Variants in TSPO observed in about 807,000 individuals in gnomAD.
TSPO encodes benzodiazepine peripheral binding site.
In TSPO, 14 loss-of-function variants were observed where a neutral mutation model predicts 13.9. That is an observed-to-expected ratio of 1.01 (90% confidence interval 0.67 to 1.58). The LOEUF (loss-of-function observed/expected upper bound fraction) is 1.58, where lower values mean the gene tolerates loss of function less well. Among genes scored for constraint, TSPO ranks in the 40% most tolerant of loss-of-function variants. The probability of loss-of-function intolerance (pLI) is 0.00; values close to 1 mark genes in which losing one functional copy is unlikely to be tolerated. For missense variants in TSPO, 232 were observed against 229.6 expected, an observed-to-expected ratio of 1.01 and a Z score of -0.07; for synonymous variants, 114 against 105.9, an observed-to-expected ratio of 1.08 and a Z score of -0.47.
chr22:43,159,402 C>T lies in TSPO; in HGVS notation c.164C>T (p.Thr55Met), dbSNP rs942338615. The change falls in exon 2 of 4, where the codon ACG becomes ATG. Residue 55 changes from threonine (T) to methionine (M), a missense_variant. Transcript: ENST00000337554. Reference sequence around the variant, plus strand: ...TGGGTGCTGGGCCCTGTCTGGGGCACGCTCTACTCAGCCATGGGGTAGGTG... The same window carrying T: ...TGGGTGCTGGGCCCTGTCTGGGGCATGCTCTACTCAGCCATGGGGTAGGTG... ...PHWVLGPVWG[T>M]LYSAMGYGSY... 1.8e-5 allele frequency: 27 copies of T among 1,531,294 alleles called. No homozygotes were observed. Among genetic ancestry groups the T allele is most frequent in the South Asian group, 3.6e-5 (3 of 82,240 alleles). The allele number at this position is 1,531,294 out of a possible 1,614,324, so 94.9% of individuals were successfully genotyped here. A position where few individuals can be genotyped will look rare whatever the true frequency, so the allele number is the denominator to read the frequency against.
chr22:43,163,227 T>G lies in TSPO; in HGVS notation c.*236T>G, dbSNP rs111607654. ...ATGGAATTTTATAAGCTGAATAAAG[T>G]TTTTGACTTCCTTTACCATGGCCTT... On this transcript the variant is annotated 3_prime_UTR_variant, in exon 4 of 4. Transcript: ENST00000337554. 2.7e-5 allele frequency: 35 copies of G among 1,314,100 alleles called. No homozygotes were observed. Among genetic ancestry groups the G allele is most frequent in the Non-Finnish European group, 3.5e-5 (35 of 996,282 alleles). The allele number at this position is 1,314,100 out of a possible 1,614,324, so 81.4% of individuals were successfully genotyped here. A position where few individuals can be genotyped will look rare whatever the true frequency, so the allele number is the denominator to read the frequency against.
At chr22:43,154,851 G>T (rs1282088009) in intron 1 of TSPO, among the ~76,000 whole-genome samples, 2 of 152,144 alleles carry the variant, frequency 1.3e-5, no homozygotes, top group Non-Finnish European at 2.9e-5. Flanking sequence ...CCCTCAGTGG[G>T]GAAGGGCTCA....
chr22:43,159,015 A>AGGTGG (rs1931342380), intron 1 of TSPO, among the ~76,000 whole-genome samples, 195 bp from the exon 2 acceptor site: 3 of 151,994 alleles, frequency 2.0e-5, no homozygotes, highest in African/African-American at 7.3e-5. Context: ...GGCAAAGGTG[A>AGGTGG]GGCGAGGCAG....
intron 1 of TSPO, among the ~76,000 whole-genome samples, chr22:43,153,646 C>T (rs62232063): frequency 0.55 from 70,464 of 127,956 alleles, 21,629 homozygotes; most frequent in East Asian, 0.99. Context: ...CCACCGCGCC[C>T]GGCTTATTTG....
At chr22:43,157,602 G>A (rs1309688356) in intron 1 of TSPO, among the ~76,000 whole-genome samples, 1 of 152,164 alleles carries the variant, frequency 6.6e-6, no homozygotes, top group Non-Finnish European at 1.5e-5. Flanking sequence ...GGCTGAGGCA[G>A]GCAGATCAAC....
At chr22:43,161,265 C>T in intron 3 of TSPO, 75 bp downstream of exon 3, 1 of 1,549,992 alleles carries the variant, frequency 6.5e-7, no homozygotes, top group East Asian at 2.3e-5. Flanking sequence ...ACATATGACA[C>T]TGGGTCAGTG....
intron 1 of TSPO, among the ~76,000 whole-genome samples, chr22:43,156,952 C>A (rs1931269483): frequency 6.6e-6 from 1 of 152,138 alleles, no homozygotes. Flanking sequence ...CCAGTGGAGG[C>A]TGAACGAGGC....
intron 1 of TSPO, among the ~76,000 whole-genome samples, chr22:43,158,305 C>G (rs567004162): frequency 1.3e-5 from 2 of 152,316 alleles, no homozygotes; most frequent in South Asian, 4.1e-4. Context: ...CCAGTCTGTG[C>G]CCACTCAGGG....
chr22:43,153,992 C>T (rs1931173757), intron 1 of TSPO, among the ~76,000 whole-genome samples: 1 of 152,070 alleles, frequency 6.6e-6, no homozygotes, highest in Non-Finnish European at 1.5e-5. Flanking sequence ...AAGTTTAACC[C>T]CCGAACCTCG....
In TSPO at chr22:43,163,041, TTGTGA is replaced by T; in HGVS notation, c.*55_*59del. On this transcript the variant is annotated 3_prime_UTR_variant, in exon 4 of 4. Transcript: ENST00000337554. ...GCTGCACCAGCAGGTGCCATCACGC[TTGTGA>T]TGTGGTGGCCGTCACGCTTTCATGA... 6.4e-7 allele frequency: 1 copy of T among 1,570,744 alleles called. No individual in the cohort carries two copies. Among genetic ancestry groups the T allele is most frequent in the Non-Finnish European group, 8.6e-7 (1 of 1,158,378 alleles).
chr22:43,163,230 T>C lies in TSPO; in HGVS notation c.*239T>C. On this transcript the variant is annotated 3_prime_UTR_variant, in exon 4 of 4. Coordinates refer to ENST00000337554, the MANE Select transcript of TSPO (RefSeq NM_000714.6). ...GAATTTTATAAGCTGAATAAAGTTTTTGACTTCCTTTACCATGGCCTTTTT... is the reference window on the plus strand; with the variant it reads ...GAATTTTATAAGCTGAATAAAGTTTCTGACTTCCTTTACCATGGCCTTTTT... 1 of 1,295,014 alleles carries C rather than the reference T, an allele frequency of 7.7e-7. No homozygotes were observed. Among genetic ancestry groups the C allele is most frequent in the South Asian group, 1.6e-5 (1 of 63,402 alleles). The allele number at this position is 1,295,014 out of a possible 1,614,324, so 80.2% of individuals were successfully genotyped here.
chr22:43,155,955 C>G (rs2033911601), intron 1 of TSPO, among the ~76,000 whole-genome samples: 1 of 152,240 alleles, frequency 6.6e-6, no homozygotes, highest in African/African-American at 2.4e-5. Flanking sequence ...ACCGCCCCTG[C>G]CCACCTGTTC....
At chr22:43,160,030 C>A (rs1235643154) in intron 2 of TSPO, among the ~76,000 whole-genome samples, 2 of 152,174 alleles carry the variant, frequency 1.3e-5, no homozygotes, top group East Asian at 3.9e-4. Context: ...TTCCCTGCAT[C>A]CTGGTTCTGT....
intron 1 of TSPO, among the ~76,000 whole-genome samples, chr22:43,158,025 T>C (rs969634387): frequency 5.3e-5 from 8 of 152,294 alleles, no homozygotes; most frequent in African/African-American, 1.9e-4. Context: ...AGGTTGCTTC[T>C]GTGCTCACCC....
Position 43,163,041 on chromosome 22 carries a change from T to C in TSPO, c.*50T>C. On this transcript the variant is annotated 3_prime_UTR_variant, in exon 4 of 4. Coordinates refer to ENST00000337554, the MANE Select transcript of TSPO (RefSeq NM_000714.6). The stretch of plus-strand genomic sequence containing the variant: ...GCTGCACCAGCAGGTGCCATCACGC[T>C]TGTGATGTGGTGGCCGTCACGCTTT... The C allele has an allele frequency of 6.4e-7, 1 of 1,570,744 alleles. No individual in the cohort carries two copies. Among genetic ancestry groups the C allele is most frequent in the Non-Finnish European group, 8.6e-7 (1 of 1,158,378 alleles).
intron 1 of TSPO, among the ~76,000 whole-genome samples, chr22:43,157,906 TCTG>T (rs1931305661): frequency 6.6e-6 from 1 of 152,244 alleles, no homozygotes; most frequent in South Asian, 2.1e-4. Context: ...AATGTTATAT[TCTG>T]CTTTCTTCGT....
At chr22:43,152,825 G>C (rs1931115293) in intron 1 of TSPO, among the ~76,000 whole-genome samples, 1 of 152,218 alleles carries the variant, frequency 6.6e-6, no homozygotes, top group African/African-American at 2.4e-5. Context: ...TTTCTTTCCT[G>C]GGAGTGTGTG....
chr22:43,154,486 G>A (rs999133089), intron 1 of TSPO, among the ~76,000 whole-genome samples: 1 of 152,068 alleles, frequency 6.6e-6, no homozygotes. Context: ...AGCCTTCTGA[G>A]TAGCTGGGAT....
chr22:43,161,480 A>C (rs1254510191), intron 3 of TSPO, among the ~76,000 whole-genome samples: 1 of 151,152 alleles, frequency 6.6e-6, no homozygotes, highest in South Asian at 2.1e-4. Flanking sequence ...GCCCCTCTAC[A>C]TAACAGCTTC....
Sources: allele counts gnomAD v4.1 joint callset (sites outside exome capture counted in the v4.1 genomes callset), GRCh38; gene constraint gnomAD v4.1.1; transcripts MANE v1.5; gene names NCBI Gene and HGNC (gene_info 2026-07-23, HGNC 2026-07-21).